The following GRIK1 variants were observed in gnomAD, a reference collection of about 807,000 sequenced individuals.
GRIK1 encodes the protein glutamate receptor ionotropic, kainate 1.
Under a neutral mutation model 105.7 loss-of-function variants are expected in GRIK1, and 69 were observed. The observed-to-expected ratio is 0.65, with a 90% CI of 0.54 to 0.80. GRIK1 has a LOEUF of 0.80. GRIK1 is among the 30% of genes least tolerant of loss of function. The pLI is 0.00. For missense variants in GRIK1, 1,109 were observed against 1,167.3 expected (o/e 0.95, Z 0.73); for synonymous variants, 438 against 431.3 (o/e 1.02, Z -0.19).
At chr21:29,596,491 C>G in intron 9 of GRIK1, 35 bp downstream of exon 9, 1 of 1,471,504 alleles carries the variant, frequency 6.8e-7, no homozygotes, top group Non-Finnish European at 9.5e-7. Context: ...CCATCCCACC[C>G]CCAGGTTTCC....
At chr21:29,819,899 G>A (rs1161732432) in intron 1 of GRIK1, among the ~76,000 whole-genome samples, 1 of 151,934 alleles carries the variant, frequency 6.6e-6, no homozygotes, top group Non-Finnish European at 1.5e-5. Context: ...CCCTCAAACT[G>A]GATTGCTGAT....
At position 29,888,200 on chromosome 21, in the gene GRIK1, TCTCTC is replaced by T. The variant is rs2069736095; in HGVS notation, c.118+51178_118+51182del. On this transcript the variant is annotated intron_variant, in intron 1 of 17. Coordinates refer to ENST00000327783, the MANE Select transcript of GRIK1 (RefSeq NM_001330994.2). ...TTCTTTCTTCCTTTCTTTCTTTCTC[TCTCTC>T]TCTCTCTCTCTCTCTCTCTCTCTCT... Among the ~76,000 whole-genome samples the T allele has an allele frequency of 3.5e-4, 11 of 31,606 alleles. 1 individual carries two copies. The highest frequency in any genetic ancestry group is 1.3e-3 in the East Asian group (1 of 778). The allele number at this position is 31,606 out of a possible 152,430, so 20.7% of individuals were successfully genotyped here.
intron 1 of GRIK1, 23 bp downstream of exon 1, chr21:29,939,360 C>T: frequency 7.5e-7 from 1 of 1,341,528 alleles, no homozygotes; most frequent in East Asian, 2.5e-5. Context: ...GTCTCCCGAG[C>T]AGGCAGCCTG....
intron 1 of GRIK1, among the ~76,000 whole-genome samples, chr21:29,825,860 T>C (rs1433984422): frequency 1.3e-5 from 2 of 152,100 alleles, no homozygotes; most frequent in Non-Finnish European, 2.9e-5. Flanking sequence ...ACCAGAATTG[T>C]TCTGAAAAAT....
At chr21:29,614,499 T>C (rs367907630) in intron 7 of GRIK1, among the ~76,000 whole-genome samples, 21 of 140,688 alleles carry the variant, frequency 1.5e-4, no homozygotes, top group African/African-American at 5.4e-4. Context: ...CCGCAACCTC[T>C]GCCTCCCGGG....
In GRIK1 at chr21:29,608,266, T is replaced by C. The variant is rs558796404; in HGVS notation, c.1099-9329A>G. 2.3e-3 allele frequency among the ~76,000 whole-genome samples: 351 copies of C among 152,294 alleles called. 3 individuals carry two copies. Among genetic ancestry groups the C allele is most frequent in the African/African-American group, 8.1e-3 (338 of 41,558 alleles). ...CTCATGTGTATAAGGTAATGGGGTA[T>C]ATTTTTGTTTACAAAGTGAAAAGAA... is the stretch of plus-strand genomic sequence containing the variant. On this transcript the variant is annotated intron_variant, in intron 7 of 17. Coordinates refer to ENST00000327783, the MANE Select transcript of GRIK1 (RefSeq NM_001330994.2).
chr21:29,595,338 AG>A (rs910492226), intron 9 of GRIK1, among the ~76,000 whole-genome samples: 1 of 128,882 alleles, frequency 7.8e-6, no homozygotes, highest in African/African-American at 3.4e-5. Context: ...TTAGTGTAAT[AG>A]GTTTTTTTTT....
At chr21:29,540,727 T>C (rs1309256410) in intron 16 of GRIK1, among the ~76,000 whole-genome samples, 1 of 152,182 alleles carries the variant, frequency 6.6e-6, no homozygotes, top group African/African-American at 2.4e-5. Context: ...CACAGAGCCA[T>C]AGAAACATTA....
Position 29,823,729 on chromosome 21 carries a change from C to G in GRIK1, c.118+115654G>C, listed in dbSNP as rs994903822. 5.3e-5 allele frequency among the ~76,000 whole-genome samples: 8 copies of G among 151,942 alleles called. 1 individual carries two copies. The South Asian group carries it at 1.7e-3, about 31-fold the overall frequency. Reference sequence around the variant, plus strand: ...AAGGTGCAAGATATCTTTTATCTCTCTGTACATTGACCTATACTGTTTTGT... The same window carrying G: ...AAGGTGCAAGATATCTTTTATCTCTGTGTACATTGACCTATACTGTTTTGT... On this transcript the variant is annotated intron_variant, in intron 1 of 17. Transcript: ENST00000327783.
chr21:29,879,511 A>T (rs891721887), intron 1 of GRIK1, among the ~76,000 whole-genome samples: 2 of 152,036 alleles, frequency 1.3e-5, no homozygotes, highest in African/African-American at 4.8e-5. Flanking sequence ...AGTATATCTG[A>T]CCACTTTAAG....
At chr21:29,768,499 G>A (rs187605551) in intron 1 of GRIK1, among the ~76,000 whole-genome samples, 1 of 152,292 alleles carries the variant, frequency 6.6e-6, no homozygotes, top group Non-Finnish European at 1.5e-5. Context: ...GACCTTCTGA[G>A]AGCCTTCTGA....
intron 1 of GRIK1, among the ~76,000 whole-genome samples, chr21:29,718,844 C>T (rs941337165): frequency 1.3e-5 from 2 of 152,086 alleles, no homozygotes; most frequent in African/African-American, 4.8e-5. Context: ...CCTTTGCACT[C>T]CTTAGCTCAG....
chr21:29,867,910 G>GAGAA (rs1555901588), intron 1 of GRIK1, among the ~76,000 whole-genome samples: 3,623 of 107,854 alleles, frequency 0.034, 141 homozygotes, highest in African/African-American at 0.095. Context: ...GAGAAAGAAA[G>GAGAA]AGAGAGAAAG....
chr21:29,926,213 T>G (rs1392550855), intron 1 of GRIK1, among the ~76,000 whole-genome samples: 3 of 152,198 alleles, frequency 2.0e-5, no homozygotes, highest in African/African-American at 7.2e-5. Flanking sequence ...ATTTGAGTAT[T>G]TACAATAATA....
chr21:29,886,180 G>C (rs1444408994), intron 1 of GRIK1, among the ~76,000 whole-genome samples: 1 of 152,098 alleles, frequency 6.6e-6, no homozygotes, highest in African/African-American at 2.4e-5. Context: ...CATGAGATTA[G>C]CTGAACAGAA....
intron 1 of GRIK1, among the ~76,000 whole-genome samples, chr21:29,859,367 AG>A (rs1251194844): frequency 1.3e-5 from 2 of 151,416 alleles, no homozygotes; most frequent in African/African-American, 4.9e-5. Flanking sequence ...ATAATAAAAA[AG>A]TATATATATA....
intron 12 of GRIK1, chr21:29,582,169 C>A: frequency 3.3e-6 from 1 of 299,344 alleles, no homozygotes. Context: ...AAATCATGAT[C>A]CTAAAGGAAG....
intron 14 of GRIK1, among the ~76,000 whole-genome samples, chr21:29,566,570 T>TC (rs1385742606): frequency 1.3e-5 from 2 of 152,158 alleles, no homozygotes; most frequent in South Asian, 4.1e-4. Flanking sequence ...ATTTCTTTTT[T>TC]CCCCCTATAA....
intron 16 of GRIK1, among the ~76,000 whole-genome samples, chr21:29,552,103 A>G (rs2090145072): frequency 6.6e-6 from 1 of 152,164 alleles, no homozygotes. Context: ...AGAAATATAC[A>G]GTTGATTGGA....
Sources: gnomAD v4.1 joint callset for allele counts (sites outside exome capture counted in the v4.1 genomes callset) on GRCh38, gnomAD v4.1.1 for gene constraint, MANE v1.5 for transcripts, NCBI Gene and HGNC (gene_info 2026-07-23, HGNC 2026-07-21) for gene names.